Variants in CACNA1A observed in about 807,000 individuals in gnomAD.
CACNA1A encodes the protein voltage-dependent P/Q-type calcium channel subunit alpha-1A.
CACNA1A carries 57 observed loss-of-function variants against 262.4 expected under a neutral mutation model. The observed-to-expected ratio is 0.22, with a 90% CI of 0.18 to 0.27. The LOEUF (loss-of-function observed/expected upper bound fraction) is 0.27. Ranked by LOEUF, CACNA1A falls within the 10% of genes least tolerant of loss-of-function variation. The pLI is 1.00. For missense variants in CACNA1A, 2,526 were observed against 3,562.8 expected, an observed-to-expected ratio of 0.71 and a Z score of 7.41; for synonymous variants, 1,431 against 1,419.3, an observed-to-expected ratio of 1.01 and a Z score of -0.18.
intron 19 of CACNA1A, among the ~76,000 whole-genome samples, chr19:13,295,504 T>G (rs2057647119): frequency 1.3e-5 from 2 of 151,832 alleles, no homozygotes; most frequent in African/African-American, 4.8e-5. Flanking sequence ...TCTTTTTTTT[T>G]TTTTTGAGAC....
chr19:13,341,728 C>T (rs1225478334), intron 6 of CACNA1A, among the ~76,000 whole-genome samples: 1 of 152,208 alleles, frequency 6.6e-6, no homozygotes, highest in Non-Finnish European at 1.5e-5. Context: ...TGGCCCTTTA[C>T]AATTGCACCC....
chr19:13,317,830 T>C (rs1034979629), intron 10 of CACNA1A, among the ~76,000 whole-genome samples: 1 of 152,248 alleles, frequency 6.6e-6, no homozygotes, highest in African/African-American at 2.4e-5. Flanking sequence ...TATGCATTTA[T>C]TGAGTACCTA....
intron 31 of CACNA1A, among the ~76,000 whole-genome samples, chr19:13,240,544 G>C (rs1864890818): frequency 6.7e-6 from 1 of 150,092 alleles, no homozygotes; most frequent in Admixed American, 6.6e-5. Context: ...GCATAGTGGT[G>C]TGTGCAGTGT....
At chr19:13,366,001 T>G (rs1449971726) in intron 4 of CACNA1A, 2 of 151,764 alleles carry the variant, frequency 1.3e-5, no homozygotes, top group East Asian at 3.9e-4. Flanking sequence ...TTTATTTATT[T>G]TTTTTGAGAC....
chr19:13,207,284 G>A lies in CACNA1A; in HGVS notation c.*29C>T. The stretch of plus-strand genomic sequence containing the variant: ...GGGGTGTGTGCGTGGGGTGCGTGGG[G>A]GGCCGGGCGGGCGCCACCTCGCCCG... On this transcript the variant is annotated 3_prime_UTR_variant, in exon 47 of 47. Coordinates refer to ENST00000360228, the MANE Select transcript of CACNA1A (RefSeq NM_001127222.2). This position sits in a 1 kb window ranked among gnomAD's most constrained non-coding sequence, Gnocchi z 5.7. 2 of 1,527,776 alleles carry A rather than the reference G, an allele frequency of 1.3e-6. No homozygotes were observed. Among genetic ancestry groups the A allele is most frequent in the Non-Finnish European group, 1.7e-6 (2 of 1,143,364 alleles). 94.6% of individuals were successfully genotyped at this position (1,527,776 alleles called of 1,614,324 possible). A position where few individuals can be genotyped will look rare whatever the true frequency, so the allele number is the denominator to read the frequency against.
chr19:13,208,779 G>C lies in CACNA1A; in HGVS notation c.6757C>G (p.Arg2253Gly). Residue 2253 changes from arginine (R) to glycine (G), a missense_variant, in exon 46 of 47, where the codon CGA (arginine) becomes GGA (glycine). By Grantham distance (125) the Arg-to-Gly change is moderately radical. Around this residue, in one of 17 missense-constraint regions of CACNA1A, gnomAD observed 929 missense variants for 868.1 expected, o/e 1.07. Coordinates refer to ENST00000360228, the MANE Select transcript of CACNA1A (RefSeq NM_001127222.2). ...ACCTGCCGGTGCGCCATGTGCTCTC[G>C]GCCCTCGCTGGGCGAGCGGGACCAG... ...QRWSRSPSEG[R>G]EHMAHRQGSS... is the part of the protein sequence containing the mutation. 1.9e-6 allele frequency: 3 copies of C among 1,568,660 alleles called. No individual in the cohort carries two copies. The highest frequency in any genetic ancestry group is 2.3e-5 in the East Asian group (1 of 43,326).
chr19:13,488,837 T>C (rs1599363905), intron 1 of CACNA1A, among the ~76,000 whole-genome samples: 1 of 151,920 alleles, frequency 6.6e-6, no homozygotes. Flanking sequence ...TCCCAGGAGA[T>C]GCTAATTCTG....
Position 13,212,308 on chromosome 19 carries a change from TG to T in CACNA1A, c.6189+75del. The stretch of plus-strand genomic sequence containing the variant: ...AGGGAGGGAGCTGCAGGTGTGTGTG[TG>T]TGGGGGGCCCAGATCCCTTCCACCT... On this transcript the variant is annotated intron_variant, in intron 42 of 46. Coordinates refer to ENST00000360228, the MANE Select transcript of CACNA1A (RefSeq NM_001127222.2). This position sits in a 1 kb window ranked among gnomAD's most constrained non-coding sequence, Gnocchi z 5.6. The T allele has an allele frequency of 6.5e-7, 1 of 1,534,378 alleles. No homozygotes were observed. Among genetic ancestry groups the T allele is most frequent in the Non-Finnish European group, 9.0e-7 (1 of 1,113,982 alleles).
chr19:13,356,364 A>G (rs1426602484), intron 6 of CACNA1A, among the ~76,000 whole-genome samples: 2 of 152,188 alleles, frequency 1.3e-5, no homozygotes, highest in African/African-American at 4.8e-5. Context: ...AGTGGCACAG[A>G]GAGGCCAAGC....
At chr19:13,265,367 T>G (rs1415838967) in intron 24 of CACNA1A, among the ~76,000 whole-genome samples, 1 of 152,244 alleles carries the variant, frequency 6.6e-6, no homozygotes, top group Non-Finnish European at 1.5e-5. Context: ...CAGTATCCAG[T>G]GCAAAAACAT....
At chr19:13,281,706 C>T (rs1311835809) in intron 22 of CACNA1A, among the ~76,000 whole-genome samples, 1 of 152,146 alleles carries the variant, frequency 6.6e-6, no homozygotes, top group African/African-American at 2.4e-5. Context: ...GCACATGCCG[C>T]GTGGGGCGTT....
At chr19:13,252,948 G>C (rs1229808454) in intron 30 of CACNA1A, 43 bp downstream of exon 30, 1 of 1,346,482 alleles carries the variant, frequency 7.4e-7, no homozygotes, top group Non-Finnish European at 1.1e-6. Context: ...TCCCCCTTGG[G>C]CTTCTCCCAA....
chr19:13,436,176 G>A (rs2060608310), intron 3 of CACNA1A, among the ~76,000 whole-genome samples: 1 of 152,180 alleles, frequency 6.6e-6, no homozygotes, highest in South Asian at 2.1e-4. Context: ...ATCAGGGATT[G>A]TTCCCTGAGC....
Position 13,208,767 on chromosome 19 carries a change from C to A in CACNA1A, c.6769G>T (p.Ala2257Ser). Residue 2257 changes from alanine to serine, a missense_variant, in exon 46 of 47, where the codon GCG becomes TCG. By Grantham distance (99) the Ala-to-Ser change is moderately conservative. This residue lies in a region of CACNA1A where 929 missense variants were observed against 868.1 expected (regional missense o/e 1.07). Coordinates refer to ENST00000360228, the MANE Select transcript of CACNA1A (RefSeq NM_001127222.2). ...GCAGCCGCACCCACCTGCCGGTGCG[C>A]CATGTGCTCTCGGCCCTCGCTGGGC... Reference protein sequence around the residue: ...RSPSEGREHMAHRQGSSSVSG... With the variant: ...RSPSEGREHMSHRQGSSSVSG... 6.3e-7 allele frequency: 1 copy of A among 1,576,846 alleles called. No homozygotes were observed.
chr19:13,439,109 T>A lies in CACNA1A; in HGVS notation c.539+13767A>T, dbSNP rs1052670476. Among the ~76,000 whole-genome samples, 21 of 132,642 alleles carry A rather than the reference T, an allele frequency of 1.6e-4. No individual in the cohort carries two copies. The South Asian group carries it at 2.1e-3, about 13-fold the overall frequency. The allele number at this position is 132,642 out of a possible 152,430, so 87.0% of individuals were successfully genotyped here. On this transcript the variant is annotated intron_variant, in intron 3 of 46. Transcript: ENST00000360228. ...GCCAAACAAACCACTTGTCCTCAAA[T>A]TTTTTTTTTTTTTTTTTGAGATGGA...
Position 13,214,473 on chromosome 19 carries a change from G to T in CACNA1A, c.5839+28C>A. The T allele has an allele frequency of 6.3e-7, 1 of 1,584,382 alleles. No homozygotes were observed. Among genetic ancestry groups the T allele is most frequent in the Non-Finnish European group, 8.7e-7 (1 of 1,154,424 alleles). On this transcript the variant is annotated intron_variant, in intron 39 of 46. Coordinates refer to ENST00000360228, the MANE Select transcript of CACNA1A (RefSeq NM_001127222.2). This position sits in a 1 kb window ranked among gnomAD's most constrained non-coding sequence, Gnocchi z 4.1. ...CCCCCTCCATCTGTCCTGGTGGATT[G>T]GATCCCAGGGCTGGGCTCAGCTCTT...
At chr19:13,216,864 G>A (rs973507517) in intron 38 of CACNA1A, among the ~76,000 whole-genome samples, 4 of 152,114 alleles carry the variant, frequency 2.6e-5, no homozygotes, top group African/African-American at 9.7e-5. Flanking sequence ...CGTTTAATAT[G>A]CTAATTGGTT....
In CACNA1A at chr19:13,359,727, T is replaced by C. The variant is rs1395548154; in HGVS notation, c.857A>G (p.Lys286Arg). 23 of 1,579,876 alleles carry C rather than the reference T, an allele frequency of 1.5e-5. No homozygotes were observed. The highest frequency in any genetic ancestry group is 2.0e-5 in the Non-Finnish European group (23 of 1,162,692). Residue 286 changes from lysine (K) to arginine (R), a missense_variant, in exon 6 of 47, where the codon AAA (lysine) becomes AGA (arginine). Physicochemically the swap from Lys to Arg is conservative, Grantham distance 26. Transcript: ENST00000360228. ...EPARTCPNGT[K>R]CQPYWEGPNN... ...GGGCCCTTCCCAGTAGGGCTGACATTTGGTCCCATTGGGGCAGGTGCGGGC... is the reference window on the plus strand; with the variant it reads ...GGGCCCTTCCCAGTAGGGCTGACATCTGGTCCCATTGGGGCAGGTGCGGGC...
rs1034627495 is a variant in CACNA1A, at chr19:13,231,707, C to T, written c.5400+3G>A. ...ACGGCCCTCACAGTGTCCACAGACT[C>T]ACCAGAAACGAGCAGAGGAAGATGA... On this transcript the variant is annotated splice_donor_region_variant and intron_variant, in intron 35 of 46. Coordinates refer to ENST00000360228, the MANE Select transcript of CACNA1A (RefSeq NM_001127222.2). 5 of 1,608,324 alleles carry T rather than the reference C, an allele frequency of 3.1e-6. No homozygotes were observed. The African/African-American group carries it at 6.7e-5, about 22-fold the overall frequency.
Sources: allele counts gnomAD v4.1 joint callset (sites outside exome capture counted in the v4.1 genomes callset), GRCh38; gene constraint gnomAD v4.1.1; regional missense constraint gnomAD v4.1.1; non-coding constraint Gnocchi (gnomAD v3.1); transcripts MANE v1.5; gene names NCBI Gene and HGNC (gene_info 2026-07-23, HGNC 2026-07-21).